The following MTBP variants were observed in gnomAD, a reference collection of about 807,000 sequenced individuals.
MTBP encodes mdm2-binding protein.
In MTBP, 101 loss-of-function variants were observed where a neutral mutation model predicts 117.0. The observed-to-expected ratio is 0.86, with a 90% CI of 0.73 to 1.02. The LOEUF (loss-of-function observed/expected upper bound fraction) is 1.02. MTBP is among the 50% of genes least tolerant of loss of function. The pLI is 0.00. For synonymous variants in MTBP, 350 were observed against 351.5 expected, an observed-to-expected ratio of 1.00 and a Z score of 0.05; for missense variants, 970 against 1,030.9, an observed-to-expected ratio of 0.94 and a Z score of 0.81.
chr8:120,445,923 G>C (rs7812590), intron 1 of MTBP, among the ~76,000 whole-genome samples: 2 of 152,230 alleles, frequency 1.3e-5, no homozygotes, highest in African/African-American at 4.8e-5. Flanking sequence ...CAAATAATAC[G>C]GAAAGGAGCA....
intron 14 of MTBP, 68 bp from the exon 15 acceptor site, chr8:120,502,424 C>G (rs1814604728): frequency 1.8e-6 from 2 of 1,092,742 alleles, no homozygotes; most frequent in Non-Finnish European, 2.7e-6. Flanking sequence ...TCTGTAAATA[C>G]ACATTTTTAT....
intron 8 of MTBP, among the ~76,000 whole-genome samples, 188 bp from the exon 9 acceptor site, chr8:120,460,973 G>C (rs867178986): frequency 3.3e-5 from 5 of 152,206 alleles, no homozygotes; most frequent in Middle Eastern, 3.4e-3. Context: ...GTCTGTTTCT[G>C]TACCCTGAAA....
At chr8:120,476,490 T>A (rs532611086) in intron 11 of MTBP, among the ~76,000 whole-genome samples, 6 of 152,196 alleles carry the variant, frequency 3.9e-5, no homozygotes, top group Non-Finnish European at 7.4e-5. Context: ...GCAACATGAT[T>A]GTATATTTAG....
chr8:120,446,723 T>G (rs1382780423), intron 2 of MTBP, among the ~76,000 whole-genome samples: 1 of 152,196 alleles, frequency 6.6e-6, no homozygotes, highest in African/African-American at 2.4e-5. Flanking sequence ...AAAATTATTC[T>G]AGGTTCTCAG....
chr8:120,496,223 A>G (rs189583319), intron 13 of MTBP, among the ~76,000 whole-genome samples: 40 of 152,304 alleles, frequency 2.6e-4, no homozygotes, highest in African/African-American at 8.7e-4. Context: ...AGAAGAATCT[A>G]TCAGAGCATG....
At chr8:120,478,211 C>T (rs957370229) in intron 11 of MTBP, among the ~76,000 whole-genome samples, 7 of 152,000 alleles carry the variant, frequency 4.6e-5, no homozygotes, top group African/African-American at 9.7e-5. Context: ...AATGAGAACA[C>T]ATGGACACAG....
chr8:120,480,029 C>T (rs1191448715), intron 11 of MTBP, among the ~76,000 whole-genome samples: 4 of 151,790 alleles, frequency 2.6e-5, no homozygotes, highest in Admixed American at 6.6e-5. Flanking sequence ...ACTGAAAACC[C>T]CAAAACATTA....
At chr8:120,522,818 G>T in intron 21 of MTBP, 99 bp downstream of exon 21, 2 of 836,762 alleles carry the variant, frequency 2.4e-6, no homozygotes, top group Non-Finnish European at 1.8e-6. Flanking sequence ...ATCAGTTACT[G>T]GTCTTTTTCA....
At chr8:120,493,514 A>T (rs1325383560) in intron 13 of MTBP, among the ~76,000 whole-genome samples, 1 of 151,258 alleles carries the variant, frequency 6.6e-6, no homozygotes, top group Non-Finnish European at 1.5e-5. Context: ...TTTTTGAGAC[A>T]GAATTTTGCT....
chr8:120,470,728 T>C (rs1451635897), intron 10 of MTBP, 92 bp from the exon 11 acceptor site: 19 of 904,186 alleles, frequency 2.1e-5, no homozygotes, highest in East Asian at 1.6e-4. Context: ...GCATGTTACA[T>C]TGGTGAAATA....
intron 13 of MTBP, among the ~76,000 whole-genome samples, chr8:120,494,592 A>G (rs1247706519): frequency 6.6e-6 from 1 of 152,234 alleles, no homozygotes; most frequent in Admixed American, 6.5e-5. Flanking sequence ...GCATTATCTT[A>G]ACATCTAACT....
At chr8:120,482,413 C>T (rs915711158) in intron 11 of MTBP, among the ~76,000 whole-genome samples, 1 of 152,054 alleles carries the variant, frequency 6.6e-6, no homozygotes, top group Non-Finnish European at 1.5e-5. Context: ...TTTTGTTATT[C>T]GGTCCAATCT....
intron 2 of MTBP, among the ~76,000 whole-genome samples, chr8:120,450,412 A>G (rs1395777991): frequency 6.6e-6 from 1 of 152,168 alleles, no homozygotes; most frequent in Admixed American, 6.5e-5. Context: ...GTTAAGCCTC[A>G]GTTACCTTTC....
chr8:120,474,598 T>C (rs1813893691), intron 11 of MTBP, among the ~76,000 whole-genome samples: 1 of 152,068 alleles, frequency 6.6e-6, no homozygotes, highest in Non-Finnish European at 1.5e-5. Flanking sequence ...AGAATCTTCA[T>C]TCTAACTTTG....
chr8:120,461,160 G>A lies in MTBP; in HGVS notation c.883-1G>A. Reference sequence around the variant, plus strand: ...TTACACAATTTTAATTTCTTTTCTAGGTTTTCCATTATTATGGCCCTGCTT... The same window carrying A: ...TTACACAATTTTAATTTCTTTTCTAAGTTTTCCATTATTATGGCCCTGCTT... On this transcript the variant is annotated splice_acceptor_variant, in intron 8 of 21. Coordinates refer to ENST00000305949, the MANE Select transcript of MTBP (RefSeq NM_022045.5). LOFTEE classifies it high-confidence loss of function. The A allele has an allele frequency of 6.4e-7, 1 of 1,564,210 alleles. No homozygotes were observed. Among genetic ancestry groups the A allele is most frequent in the Non-Finnish European group, 8.8e-7 (1 of 1,137,474 alleles).
intron 11 of MTBP, among the ~76,000 whole-genome samples, chr8:120,477,796 C>A (rs1420594856): frequency 1.3e-5 from 2 of 152,170 alleles, no homozygotes; most frequent in Non-Finnish European, 2.9e-5. Flanking sequence ...CACTTATACA[C>A]TGTTGGTGGG....
chr8:120,489,955 G>A (rs531718768), intron 12 of MTBP, among the ~76,000 whole-genome samples: 1 of 152,296 alleles, frequency 6.6e-6, no homozygotes, highest in African/African-American at 2.4e-5. Context: ...TTTCAAGATA[G>A]TACATTTCCA....
chr8:120,454,829 CCA>C (rs1813434898), intron 5 of MTBP, among the ~76,000 whole-genome samples: 1 of 151,956 alleles, frequency 6.6e-6, no homozygotes, highest in Non-Finnish European at 1.5e-5. Flanking sequence ...AAATTTATCT[CCA>C]GTTTGTTTCA....
intron 4 of MTBP, chr8:120,452,380 G>A (rs1432474114): frequency 6.6e-6 from 1 of 152,162 alleles, no homozygotes; most frequent in Non-Finnish European, 1.5e-5. Context: ...ATTAGTAGAG[G>A]TAGACTTTAT....
Sources: gnomAD v4.1 joint callset for allele counts (sites outside exome capture counted in the v4.1 genomes callset) on GRCh38, gnomAD v4.1.1 for gene constraint, MANE v1.5 for transcripts, NCBI Gene and HGNC (gene_info 2026-07-23, HGNC 2026-07-21) for gene names.